SPHK2: variants seen among roughly 807,000 people sequenced by gnomAD.
The protein encoded by SPHK2 is sphingosine kinase 2.
Under a neutral mutation model 32.3 loss-of-function variants are expected in SPHK2, and 18 were observed. The ratio of observed to expected loss-of-function variants is 0.56; its 90% CI spans 0.39 to 0.83. SPHK2 has a LOEUF of 0.83. Among genes scored for constraint, SPHK2 ranks in the 40% least tolerant of loss-of-function variants. The pLI is 0.00. For missense variants in SPHK2, 850 were observed against 908.7 expected (o/e 0.94, Z 0.83); for synonymous variants, 462 against 417.6 (o/e 1.11, Z -1.30).
chr19:48,626,694 T>G (rs905113384), intron 3 of SPHK2: 4 of 204,804 alleles, frequency 2.0e-5, no homozygotes, highest in African/African-American at 9.4e-5. Flanking sequence ...TGCGCACCTG[T>G]AATCCCAGCT....
rs1461755986 is a variant in SPHK2 at position 48,626,041 on chromosome 19, C to A, written c.190C>A (p.Arg64Ser). The change falls in exon 3 of 7, where the codon CGC becomes AGC. Residue 64 changes from arginine to serine, a missense_variant. Arg to Ser is a moderately radical substitution (Grantham distance 110). Transcript: ENST00000245222. Reference protein sequence around the residue: ...EFGSYPARGPRFALTLTSQAL... With the variant: ...EFGSYPARGPSFALTLTSQAL... ...TGGCTCCTACCCAGCCCGAGGCCCA[C>A]GCTTTGCCCTCACCCTTACATCGCA... 2 of 1,613,338 alleles carry A rather than the reference C, an allele frequency of 1.2e-6. No homozygotes were observed. Among genetic ancestry groups the A allele is most frequent in the African/African-American group, 2.7e-5 (2 of 74,916 alleles).
In SPHK2 at chr19:48,625,927, G is replaced by C. The variant is rs150682825; in HGVS notation, c.76G>C (p.Gly26Arg). The C allele has an allele frequency of 8.1e-6, 13 of 1,611,532 alleles. No homozygotes were observed. The Admixed American group carries it at 1.2e-4, about 14-fold the overall frequency. Reference protein sequence around the residue: ...DQELTGSWGHGPRSTLVRAKA... With the variant: ...DQELTGSWGHRPRSTLVRAKA... ...GGAGCTGACCGGGAGCTGGGGCCACGGGCCTAGGAGCACCCTGGTCAGGGC... is the reference window on the plus strand; with the variant it reads ...GGAGCTGACCGGGAGCTGGGGCCACCGGCCTAGGAGCACCCTGGTCAGGGC... Residue 26 changes from glycine (G) to arginine (R), a missense_variant, in exon 3 of 7, where the codon GGG (glycine) becomes CGG (arginine). By Grantham distance (125) the Gly-to-Arg change is moderately radical. This residue lies in a region of SPHK2 where 544 missense variants were observed against 640.0 expected (regional missense o/e 0.85). Coordinates refer to ENST00000245222, the MANE Select transcript of SPHK2 (RefSeq NM_020126.5).
Position 48,625,733 on chromosome 19 carries a change from C to A in SPHK2, c.40-158C>A, listed in dbSNP as rs575013496. On this transcript the variant is annotated intron_variant, in intron 2 of 6. Transcript: ENST00000245222. ...GATGCTGGCCTCTGTCCCGCATCCT[C>A]AAGGTCTGCCCACACCTGTCTGAGC... is the stretch of plus-strand genomic sequence containing the variant. The A allele has an allele frequency of 9.1e-6, 14 of 1,535,336 alleles. No homozygotes were observed. The South Asian group carries it at 1.7e-4, about 18-fold the overall frequency.
At position 48,628,479 on chromosome 19, in the gene SPHK2, C is replaced by T. The variant is rs749457305; in HGVS notation, c.872+202C>T. Reference sequence around the variant, plus strand: ...CCAGAACTCTGCCTGGCATGGGAGGCACTCAGTGAATTGTAGGGAGCAAAT... The same window carrying T: ...CCAGAACTCTGCCTGGCATGGGAGGTACTCAGTGAATTGTAGGGAGCAAAT... On this transcript the variant is annotated intron_variant, in intron 6 of 6. Transcript: ENST00000245222. The surrounding 1 kb of genome is among the most constrained non-coding windows in gnomAD (Gnocchi z 5.2). 5.6e-6 allele frequency: 5 copies of T among 892,122 alleles called. No homozygotes were observed. The highest frequency in any genetic ancestry group is 5.1e-5 in the Admixed American group (3 of 58,718). 55.3% of individuals were successfully genotyped at this position (892,122 alleles called of 1,614,324 possible).
intron 2 of SPHK2, among the ~76,000 whole-genome samples, chr19:48,622,455 G>T (rs1974445139): frequency 6.6e-6 from 1 of 152,130 alleles, no homozygotes; most frequent in Non-Finnish European, 1.5e-5. Context: ...CTTCCCAGCA[G>T]TCACACAGCA....
At chr19:48,620,334 C>T in intron 1 of SPHK2, 68 bp from the exon 2 acceptor site, 3 of 544,434 alleles carry the variant, frequency 5.5e-6, no homozygotes, top group Non-Finnish European at 9.8e-6. Context: ...TTCTCAGGCA[C>T]ATTGAGCCTG....
Position 48,626,094 on chromosome 19 carries a change from C to G in SPHK2, c.243C>G (p.Pro81=). ...SQALHIQRLR[P]KPEARPRGGL... ...CCCTGCACATACAGCGGCTGCGCCC[C>G]AAACCTGAAGCCAGGCCCCGGGGTG... The change falls in exon 3 of 7, where the codon CCC becomes CCG. Residue 81 remains proline (P), a synonymous_variant. Coordinates refer to ENST00000245222, the MANE Select transcript of SPHK2 (RefSeq NM_020126.5). 6.2e-7 allele frequency: 1 copy of G among 1,612,198 alleles called. No homozygotes were observed. Among genetic ancestry groups the G allele is most frequent in the Non-Finnish European group, 8.5e-7 (1 of 1,179,262 alleles).
At chr19:48,623,530 A>G (rs1974490301) in intron 2 of SPHK2, 1 of 152,274 alleles carries the variant, frequency 6.6e-6, no homozygotes, top group African/African-American at 2.4e-5. Context: ...GCATCTGTCA[A>G]CATCTTCACT....
At position 48,626,073 on chromosome 19, in the gene SPHK2, G is replaced by A; in HGVS notation, c.222G>A (p.Leu74=). The A allele has an allele frequency of 6.2e-7, 1 of 1,613,182 alleles. No individual in the cohort carries two copies. Among genetic ancestry groups the A allele is most frequent in the Non-Finnish European group, 8.5e-7 (1 of 1,179,768 alleles). ...RFALTLTSQA[L]HIQRLRPKPE... is the part of the protein sequence containing the mutation. ...CCCTCACCCTTACATCGCAGGCCCT[G>A]CACATACAGCGGCTGCGCCCCAAAC... The change falls in exon 3 of 7, where the codon CTG becomes CTA. Residue 74 remains leucine (L), a synonymous_variant. Coordinates refer to ENST00000245222, the MANE Select transcript of SPHK2 (RefSeq NM_020126.5).
At chr19:48,626,869 C>CATGCCT (rs796395321) in intron 3 of SPHK2, 10 of 148,926 alleles carry the variant, frequency 6.7e-5, no homozygotes, top group African/African-American at 2.5e-4. Flanking sequence ...TGCAGTGGCT[C>CATGCCT]ATGCCTATAA....
At chr19:48,622,594 C>T (rs1285333140) in intron 2 of SPHK2, among the ~76,000 whole-genome samples, 3 of 152,022 alleles carry the variant, frequency 2.0e-5, no homozygotes, top group African/African-American at 7.3e-5. Context: ...TCCCAGGGCC[C>T]CAAGCTCAGT....
intron 2 of SPHK2, among the ~76,000 whole-genome samples, chr19:48,621,222 G>A (rs1974394323): frequency 6.6e-6 from 1 of 152,172 alleles, no homozygotes; most frequent in Non-Finnish European, 1.5e-5. Context: ...TGGGATTACA[G>A]GCATGCGCCA....
intron 1 of SPHK2, 30 bp downstream of exon 1, chr19:48,619,573 G>C (rs868458952): frequency 5.0e-6 from 1 of 201,492 alleles, no homozygotes; most frequent in Non-Finnish European, 1.0e-5. Context: ...AGGGCTAGTC[G>C]GGGCATCTGG....
intron 2 of SPHK2, chr19:48,624,833 G>A (rs932311270): frequency 1.6e-4 from 145 of 904,882 alleles, no homozygotes; most frequent in Non-Finnish European, 1.9e-4. Context: ...CTGGGGATAG[G>A]GGGGCAGATG....
intron 2 of SPHK2, among the ~76,000 whole-genome samples, chr19:48,622,869 G>A (rs1974460249): frequency 1.4e-5 from 2 of 147,154 alleles, no homozygotes; most frequent in Admixed American, 1.4e-4. Flanking sequence ...GGGTTCAAGC[G>A]ATCTCCTGCC....
At chr19:48,624,830 T>G (rs1974540801) in intron 2 of SPHK2, 42 of 804,810 alleles carry the variant, frequency 5.2e-5, no homozygotes, top group Middle Eastern at 6.5e-4. Flanking sequence ...CCGCTGGGGA[T>G]AGGGGGGCAG....
In SPHK2 at chr19:48,629,769, C is replaced by T. The variant is rs76913135; in HGVS notation, c.1961C>T (p.Pro654Leu). The part of the protein sequence containing the change: ...TGPPGCPGRE[P>L] The stretch of plus-strand genomic sequence containing the variant: ...CCTCCTGGCTGCCCGGGGCGGGAGC[C>T]CTGAAACTAAACAAGCTTGGTACCC... The change falls in exon 7 of 7, where the codon CCC becomes CTC. Residue 654 changes from proline (P) to leucine (L), a missense_variant. Around this residue, in one of 2 missense-constraint regions of SPHK2, gnomAD observed 306 missense variants for 268.6 expected, o/e 1.14. Coordinates refer to ENST00000245222, the MANE Select transcript of SPHK2 (RefSeq NM_020126.5). 1.1e-5 allele frequency: 18 copies of T among 1,565,846 alleles called. No homozygotes were observed. Among genetic ancestry groups the T allele is most frequent in the Non-Finnish European group, 1.3e-5 (15 of 1,153,164 alleles).
chr19:48,621,473 CAA>C (rs1422396528), intron 2 of SPHK2, among the ~76,000 whole-genome samples: 1 of 152,222 alleles, frequency 6.6e-6, no homozygotes, highest in Non-Finnish European at 1.5e-5. Context: ...CTCAGTCTCT[CAA>C]AGTGTTGAGC....
At chr19:48,624,409 C>CAGG (rs1322327519) in intron 2 of SPHK2, 1 of 152,498 alleles carries the variant, frequency 6.6e-6, no homozygotes, top group African/African-American at 2.4e-5. Context: ...CTTGCGGGAC[C>CAGG]GCCTGGAGGA....
Sources: allele counts gnomAD v4.1 joint callset (sites outside exome capture counted in the v4.1 genomes callset), GRCh38; gene constraint gnomAD v4.1.1; regional missense constraint gnomAD v4.1.1; non-coding constraint Gnocchi (gnomAD v3.1); transcripts MANE v1.5; gene names NCBI Gene and HGNC (gene_info 2026-07-23, HGNC 2026-07-21).